CHN1: variants seen among roughly 807,000 people sequenced by gnomAD.
CHN1 encodes N-chimaerin.
In CHN1, 37 loss-of-function variants were observed where a neutral mutation model predicts 59.5. That is an observed-to-expected ratio of 0.62 (90% CI 0.48 to 0.82). The LOEUF is 0.82. Among genes scored for constraint, CHN1 ranks in the 40% least tolerant of loss-of-function variants. CHN1 has a pLI of 0.00. For synonymous variants in CHN1, 206 were observed against 200.4 expected, an observed-to-expected ratio of 1.03 and a Z score of -0.24; for missense variants, 469 against 571.0, an observed-to-expected ratio of 0.82 and a Z score of 1.82.
chr2:174,904,580 G>A (rs1191497348), intron 5 of CHN1, among the ~76,000 whole-genome samples: 1 of 152,060 alleles, frequency 6.6e-6, no homozygotes, highest in Non-Finnish European at 1.5e-5. Flanking sequence ...TAGAGACGGG[G>A]TTTCTCCATG....
At chr2:174,841,836 A>G (rs1192254083) in intron 7 of CHN1, among the ~76,000 whole-genome samples, 1 of 152,194 alleles carries the variant, frequency 6.6e-6, no homozygotes, top group Non-Finnish European at 1.5e-5. Flanking sequence ...GAAGCATTCT[A>G]GATTGTCATT....
chr2:174,880,250 G>C lies in CHN1; in HGVS notation c.261-2122C>G, dbSNP rs546513576. 3.9e-5 allele frequency among the ~76,000 whole-genome samples: 6 copies of C among 152,170 alleles called. No individual in the cohort carries two copies. In the East Asian group the frequency reaches 1.2e-3, roughly 29 times the overall value. The stretch of plus-strand genomic sequence containing the variant: ...TTTGATTAAAACTTTGCTTCAAAGG[G>C]TAAAAATAAAAAATTTCCATTTTGG... On this transcript the variant is annotated intron_variant, in intron 5 of 12. Coordinates refer to ENST00000409900, the MANE Select transcript of CHN1 (RefSeq NM_001822.7).
chr2:174,945,198 G>A, intron 2 of CHN1: 1 of 489,550 alleles, frequency 2.0e-6, no homozygotes. Context: ...TGGATATTTG[G>A]CTCTGTTCTC....
chr2:174,814,895 C>T (rs558764582), intron 8 of CHN1, among the ~76,000 whole-genome samples: 2 of 152,046 alleles, frequency 1.3e-5, no homozygotes, highest in Non-Finnish European at 2.9e-5. Flanking sequence ...ATAAAAGGAC[C>T]CGAAGTAAGT....
At chr2:174,953,604 T>C (rs1690095082) in intron 1 of CHN1, among the ~76,000 whole-genome samples, 1 of 152,120 alleles carries the variant, frequency 6.6e-6, no homozygotes, top group African/African-American at 2.4e-5. Context: ...CACAAATCAG[T>C]AGCTCTGCTA....
At chr2:174,891,550 C>A in intron 5 of CHN1, among the ~76,000 whole-genome samples, 1 of 141,904 alleles carries the variant, frequency 7.0e-6, no homozygotes, top group Non-Finnish European at 1.5e-5. Flanking sequence ...GCCTGGGTGA[C>A]AGAGCGAGAC....
intron 7 of CHN1, among the ~76,000 whole-genome samples, chr2:174,833,431 C>A (rs1685948672): frequency 6.6e-6 from 1 of 152,094 alleles, no homozygotes; most frequent in Admixed American, 6.5e-5. Context: ...GTTAATGTTT[C>A]TTTTCCTTCA....
At chr2:174,911,250 G>A (rs1688693727) in intron 5 of CHN1, among the ~76,000 whole-genome samples, 2 of 152,194 alleles carry the variant, frequency 1.3e-5, no homozygotes, top group South Asian at 4.2e-4. Flanking sequence ...AATGATGAAA[G>A]CCATGTGTTT....
intron 3 of CHN1, among the ~76,000 whole-genome samples, chr2:174,941,250 G>C (rs932501578): frequency 1.3e-5 from 2 of 152,104 alleles, no homozygotes; most frequent in African/African-American, 4.8e-5. Flanking sequence ...CCCACATTAA[G>C]AAATCAGGAA....
intron 4 of CHN1, among the ~76,000 whole-genome samples, chr2:174,916,174 C>A (rs1688843314): frequency 6.6e-6 from 1 of 152,146 alleles, no homozygotes; most frequent in Admixed American, 6.5e-5. Context: ...TAAAAGTCGA[C>A]AACACATTCA....
At chr2:174,802,554 A>G (rs781508486) in intron 11 of CHN1, among the ~76,000 whole-genome samples, 1 of 152,254 alleles carries the variant, frequency 6.6e-6, no homozygotes, top group Non-Finnish European at 1.5e-5. Flanking sequence ...GAAGGGAACC[A>G]TCTTAATTTG....
At chr2:174,868,916 A>T (rs887059426) in intron 6 of CHN1, among the ~76,000 whole-genome samples, 1 of 152,172 alleles carries the variant, frequency 6.6e-6, no homozygotes, top group Non-Finnish European at 1.5e-5. Flanking sequence ...TGCAGAAATG[A>T]TAGTTTTTCT....
At chr2:174,878,187 GA>G (rs201171215) in intron 5 of CHN1, 59 bp from the exon 6 acceptor site, 23 of 1,310,268 alleles carry the variant, frequency 1.8e-5, no homozygotes, top group East Asian at 1.3e-4. Flanking sequence ...AATTCTTTCT[GA>G]AAAAAAAACA....
chr2:174,855,777 G>C (rs1686881712), intron 6 of CHN1, among the ~76,000 whole-genome samples: 2 of 152,068 alleles, frequency 1.3e-5, no homozygotes, highest in Admixed American at 1.3e-4. Flanking sequence ...TAGACTTAAA[G>C]ACTTTTAAGA....
chr2:174,958,791 A>T (rs1460639108), intron 1 of CHN1, among the ~76,000 whole-genome samples: 1 of 152,252 alleles, frequency 6.6e-6, no homozygotes, highest in Non-Finnish European at 1.5e-5. Flanking sequence ...TGTACTTAGG[A>T]GACCTTCAGT....
intron 2 of CHN1, among the ~76,000 whole-genome samples, chr2:174,951,788 C>T (rs2105412662): frequency 6.6e-6 from 1 of 152,202 alleles, no homozygotes. Flanking sequence ...ACATAGCCTC[C>T]TGAATTATTG....
At chr2:174,845,141 A>G (rs573456889) in intron 7 of CHN1, among the ~76,000 whole-genome samples, 1 of 152,300 alleles carries the variant, frequency 6.6e-6, no homozygotes, top group African/African-American at 2.4e-5. Context: ...CAAATTCTTG[A>G]ATAGACCTCC....
At position 174,898,348 on chromosome 2, in the gene CHN1, T is replaced by TC. The variant is rs528143998; in HGVS notation, c.260+16709dup. ...CAGGCGCAGTGGCTCACGCCTGTAA[T>TC]CCCAGAACTTTGGGAAGCCAAGGCG... On this transcript the variant is annotated intron_variant, in intron 5 of 12. Transcript: ENST00000409900. Among the ~76,000 whole-genome samples, 728 of 151,220 alleles carry TC rather than the reference T, an allele frequency of 4.8e-3. 5 individuals carry two copies. Among genetic ancestry groups the TC allele is most frequent in the African/African-American group, 0.017 (695 of 41,084 alleles).
At chr2:174,974,752 C>T (rs551930654) in intron 1 of CHN1, among the ~76,000 whole-genome samples, 6 of 152,074 alleles carry the variant, frequency 3.9e-5, no homozygotes, top group Non-Finnish European at 8.8e-5. Context: ...TTGTTCATAT[C>T]ATTAATAAAC....
Sources: gnomAD v4.1 joint callset for allele counts (sites outside exome capture counted in the v4.1 genomes callset) on GRCh38, gnomAD v4.1.1 for gene constraint, MANE v1.5 for transcripts, NCBI Gene and HGNC (gene_info 2026-07-23, HGNC 2026-07-21) for gene names.